The following PLEKHA4 variants were observed in gnomAD, a reference collection of about 807,000 sequenced individuals.
PLEKHA4 encodes the protein pleckstrin homology domain containing A4.
PLEKHA4 carries 73 observed loss-of-function variants against 94.7 expected under a neutral mutation model. That is an observed-to-expected ratio of 0.77 (90% confidence interval 0.64 to 0.94). The LOEUF is 0.94. Among genes scored for constraint, PLEKHA4 ranks in the 40% least tolerant of loss-of-function variants. PLEKHA4 has a pLI of 0.00. For synonymous variants in PLEKHA4, 449 were observed against 437.1 expected, an observed-to-expected ratio of 1.03 and a Z score of -0.34; for missense variants, 1,049 against 1,054.1, an observed-to-expected ratio of 1.00 and a Z score of 0.07.
chr19:48,858,370 C>T (rs567139097), intron 8 of PLEKHA4, among the ~76,000 whole-genome samples: 2 of 152,166 alleles, frequency 1.3e-5, no homozygotes, highest in South Asian at 4.1e-4. Flanking sequence ...GCCTGTAATC[C>T]CAGCACTTTG....
chr19:48,854,822 C>T lies in PLEKHA4; in HGVS notation c.1048-558G>A, dbSNP rs187772628. Among the ~76,000 whole-genome samples the T allele has an allele frequency of 4.6e-3, 692 of 151,062 alleles. 5 individuals carry two copies. The highest frequency in any genetic ancestry group is 0.016 in the African/African-American group (655 of 41,142). On this transcript the variant is annotated intron_variant, in intron 9 of 19. Transcript: ENST00000263265. ...TCAAAGGATCCTCCCACCTCAGCCTCCCAAGTAGGTGGGACAACAGATGCC... is the reference window on the plus strand; with the variant it reads ...TCAAAGGATCCTCCCACCTCAGCCTTCCAAGTAGGTGGGACAACAGATGCC...
chr19:48,864,705 C>T (rs538895692), intron 3 of PLEKHA4, among the ~76,000 whole-genome samples: 3 of 152,020 alleles, frequency 2.0e-5, no homozygotes, highest in East Asian at 3.9e-4. Flanking sequence ...GGACTATAGG[C>T]GCACACCACC....
rs1156470339 is a variant in PLEKHA4, at chr19:48,868,519, C to T, written c.-443G>A. On this transcript the variant is annotated 5_prime_UTR_variant, in exon 1 of 20. Transcript: ENST00000263265. Reference sequence around the variant, plus strand: ...TCTCCTTCACACTCAGTCTCTTCCTCTTTCTCTCTGGCTCTGCCGTTTCCT... The same window carrying T: ...TCTCCTTCACACTCAGTCTCTTCCTTTTTCTCTCTGGCTCTGCCGTTTCCT... 1.3e-5 allele frequency: 2 copies of T among 152,422 alleles called. No homozygotes were observed. The highest frequency in any genetic ancestry group is 2.9e-5 in the Non-Finnish European group (2 of 68,242). The allele number at this position is 152,422 out of a possible 1,614,324, so 9.4% of individuals were successfully genotyped here.
In PLEKHA4 at chr19:48,841,061, T is replaced by A. The variant is rs1387778401; in HGVS notation, c.1905+88A>T. On this transcript the variant is annotated intron_variant, in intron 17 of 19. Transcript: ENST00000263265. Reference sequence around the variant, plus strand: ...CCAGTTTGGAGGAAGGAGGTAGTGATTATCTCCATTTTACAGAAAGGGACT... The same window carrying A: ...CCAGTTTGGAGGAAGGAGGTAGTGAATATCTCCATTTTACAGAAAGGGACT... 4.7e-6 allele frequency: 6 copies of A among 1,289,202 alleles called. No individual in the cohort carries two copies. The African/African-American group carries it at 8.9e-5, about 19-fold the overall frequency. 79.9% of individuals were successfully genotyped at this position (1,289,202 alleles called of 1,614,324 possible).
chr19:48,864,587 G>T (rs946633556), intron 3 of PLEKHA4, among the ~76,000 whole-genome samples: 1 of 152,032 alleles, frequency 6.6e-6, no homozygotes, highest in Non-Finnish European at 1.5e-5. Flanking sequence ...TTGAGACAGG[G>T]TCTCACTCTG....
At chr19:48,842,874 G>A (rs1379922054) in intron 16 of PLEKHA4, among the ~76,000 whole-genome samples, 2 of 152,186 alleles carry the variant, frequency 1.3e-5, no homozygotes, top group African/African-American at 4.8e-5. Flanking sequence ...TAAAGCTCCT[G>A]TGTGCTACTG....
chr19:48,844,589 G>A, intron 16 of PLEKHA4: 1 of 985,068 alleles, frequency 1.0e-6, no homozygotes, highest in Non-Finnish European at 1.2e-6. Context: ...TGCTTCTGAG[G>A]GCTGGCCAAT....
intron 14 of PLEKHA4, 135 bp downstream of exon 14, chr19:48,847,764 CT>C: frequency 9.8e-7 from 1 of 1,016,954 alleles, no homozygotes; most frequent in Non-Finnish European, 1.3e-6. Context: ...AAAACAAAGG[CT>C]TCCAGAGGTT....
intron 16 of PLEKHA4, chr19:48,844,768 C>A (rs1386568037): frequency 4.1e-6 from 1 of 245,176 alleles, no homozygotes; most frequent in Non-Finnish European, 6.4e-6. Flanking sequence ...AACTCCAGGG[C>A]CACATGAGAT....
chr19:48,853,737 C>T lies in PLEKHA4; in HGVS notation c.1271G>A (p.Arg424His), dbSNP rs374474953. The change falls in exon 12 of 20, where the codon CGC becomes CAC. Residue 424 changes from arginine (R) to histidine (H), a missense_variant. By Grantham distance (29) the Arg-to-His change is conservative. Coordinates refer to ENST00000263265, the MANE Select transcript of PLEKHA4 (RefSeq NM_020904.3). The stretch of plus-strand genomic sequence containing the variant: ...ACTGACCAGCCGGTCCTGCAAGAGG[C>T]GCTGGCGACCCCAGGCCCTCCCGGG... The part of the protein sequence containing the change: ...GAPGRAWGRQ[R>H]LLQDRLVSVR... 1.6e-5 allele frequency: 25 copies of T among 1,610,644 alleles called. No homozygotes were observed. Among genetic ancestry groups the T allele is most frequent in the Non-Finnish European group, 1.7e-5 (20 of 1,178,946 alleles).
intron 14 of PLEKHA4, among the ~76,000 whole-genome samples, chr19:48,846,010 CAAAAAA>C (rs1159060833): frequency 1.4e-5 from 1 of 71,272 alleles, no homozygotes; most frequent in Non-Finnish European, 2.9e-5. Flanking sequence ...GACTCTGCCT[CAAAAAA>C]AAAAAAAAAA....
chr19:48,864,515 T>C (rs2036761470), intron 3 of PLEKHA4, among the ~76,000 whole-genome samples: 1 of 152,094 alleles, frequency 6.6e-6, no homozygotes, highest in African/African-American at 2.4e-5. Flanking sequence ...AAATGTCAAA[T>C]TGAAGTTCTC....
At chr19:48,854,299 G>A (rs1388688321) in intron 9 of PLEKHA4, 35 bp from the exon 10 acceptor site, 4 of 1,594,384 alleles carry the variant, frequency 2.5e-6, no homozygotes, top group Admixed American at 3.3e-5. Flanking sequence ...GGTCAAAGGG[G>A]ACAGGCTGGT....
At chr19:48,842,261 G>A (rs888123446) in intron 16 of PLEKHA4, among the ~76,000 whole-genome samples, 18 of 149,594 alleles carry the variant, frequency 1.2e-4, no homozygotes, top group African/African-American at 3.7e-4. Context: ...TCTCTGCCTC[G>A]GCCTCTCAAG....
At chr19:48,839,448 A>AT (rs936538998) in intron 17 of PLEKHA4, among the ~76,000 whole-genome samples, 185 bp from the exon 18 acceptor site, 8 of 152,080 alleles carry the variant, frequency 5.3e-5, no homozygotes, top group Admixed American at 4.6e-4. Flanking sequence ...TTATTTATTC[A>AT]TTTTTTAGAA....
chr19:48,864,447 C>T (rs2036759148), intron 3 of PLEKHA4, among the ~76,000 whole-genome samples: 1 of 152,192 alleles, frequency 6.6e-6, no homozygotes, highest in African/African-American at 2.4e-5. Flanking sequence ...GAATTACCGG[C>T]ATGACCCACT....
chr19:48,857,534 G>C, intron 8 of PLEKHA4, 38 bp from the exon 9 acceptor site: 2 of 1,148,064 alleles, frequency 1.7e-6, no homozygotes, highest in Non-Finnish European at 2.6e-6. Context: ...TTAGAAACTG[G>C]CATGTCTGGG....
chr19:48,841,943 A>G (rs556608442), intron 16 of PLEKHA4, among the ~76,000 whole-genome samples: 2 of 152,250 alleles, frequency 1.3e-5, no homozygotes, highest in Admixed American at 1.3e-4. Flanking sequence ...AAGATCCCGT[A>G]TCTAAAAGTA....
At chr19:48,850,234 C>T (rs949931803) in intron 13 of PLEKHA4, among the ~76,000 whole-genome samples, 11 of 135,284 alleles carry the variant, frequency 8.1e-5, no homozygotes, top group Non-Finnish European at 1.6e-4. Context: ...GGCCAGGCGC[C>T]GTGACTCACG....
Sources: gnomAD v4.1 joint callset for allele counts (sites outside exome capture counted in the v4.1 genomes callset) on GRCh38, gnomAD v4.1.1 for gene constraint, MANE v1.5 for transcripts, NCBI Gene and HGNC (gene_info 2026-07-23, HGNC 2026-07-21) for gene names.